JPH1: variants seen among roughly 807,000 people sequenced by gnomAD.
JPH1 encodes the protein junctophilin 1, also known as junctophilin-1.
Under a neutral mutation model 53.6 loss-of-function variants are expected in JPH1, and 12 were observed. That is an observed-to-expected ratio of 0.22 (90% CI 0.14 to 0.36). The LOEUF (loss-of-function observed/expected upper bound fraction) is 0.36. Among genes scored for constraint, JPH1 ranks in the 10% least tolerant of loss-of-function variants. The pLI, the probability that JPH1 is intolerant of heterozygous loss-of-function variation, is 1.00. For synonymous variants in JPH1, 375 were observed against 363.8 expected, an observed-to-expected ratio of 1.03 and a Z score of -0.35; for missense variants, 808 against 905.5, an observed-to-expected ratio of 0.89 and a Z score of 1.38.
intron 2 of JPH1, among the ~76,000 whole-genome samples, chr8:74,305,315 G>C (rs1423950208): frequency 6.6e-6 from 1 of 152,230 alleles, no homozygotes; most frequent in Admixed American, 6.5e-5. Context: ...ACCAGCTATG[G>C]CAGCATGCAG....
intron 2 of JPH1, among the ~76,000 whole-genome samples, chr8:74,310,625 T>C (rs1807965916): frequency 6.6e-6 from 1 of 152,178 alleles, no homozygotes; most frequent in Non-Finnish European, 1.5e-5. Context: ...TGTATGTGTT[T>C]ACTGGGGAGC....
rs752821171 is a variant in JPH1, at chr8:74,245,185, AAAAAAAG to A, written c.1259-17_1259-11del. On this transcript the variant is annotated splice_polypyrimidine_tract_variant and intron_variant, in intron 3 of 5. Transcript: ENST00000342232. Reference sequence around the variant, plus strand: ...TTGACGTAATCAGGGCCTGGCCAAAAAAAAAAGAAAAAAGAAAAAAAGAAAGGAGGTA... The same window carrying A: ...TTGACGTAATCAGGGCCTGGCCAAAAAAAAAAGAAAAAAAGAAAGGAGGTA... 6.4e-7 allele frequency: 1 copy of A among 1,551,546 alleles called. No individual in the cohort carries two copies. The highest frequency in any genetic ancestry group is 1.3e-5 in the South Asian group (1 of 78,882).
chr8:74,314,805 T>G (rs1187287614), intron 2 of JPH1, 56 bp downstream of exon 2: 11 of 1,574,470 alleles, frequency 7.0e-6, no homozygotes, highest in Non-Finnish European at 8.6e-6. Flanking sequence ...ACATAATATT[T>G]GATACTCCAT....
rs750665220 is a variant in JPH1 at position 74,235,633 on chromosome 8, A to G, written c.*1418T>C. On this transcript the variant is annotated 3_prime_UTR_variant, in exon 6 of 6. Coordinates refer to ENST00000342232, the MANE Select transcript of JPH1 (RefSeq NM_020647.4). The stretch of plus-strand genomic sequence containing the variant: ...TCTTTCTTCCCCTGATTTCTTTTTA[A>G]GTAATTACTTTTATAAAGACCATTT... 6.5e-6 allele frequency: 1 copy of G among 152,674 alleles called. No homozygotes were observed. Among genetic ancestry groups the G allele is most frequent in the Non-Finnish European group, 1.5e-5 (1 of 68,042 alleles). 9.5% of individuals were successfully genotyped at this position (152,674 alleles called of 1,614,324 possible).
In JPH1 at chr8:74,262,055, T is replaced by C. The variant is rs181199779; in HGVS notation, c.1140-2552A>G. On this transcript the variant is annotated intron_variant, in intron 2 of 5. Transcript: ENST00000342232. ...TTACTTTTTTACTTGCTGTTTCCTATAAGACCACACAGCAAAGGAGGACCT... is the reference window on the plus strand; with the variant it reads ...TTACTTTTTTACTTGCTGTTTCCTACAAGACCACACAGCAAAGGAGGACCT... 2.4e-3 allele frequency among the ~76,000 whole-genome samples: 368 copies of C among 152,324 alleles called. 3 individuals carry two copies. The highest frequency in any genetic ancestry group is 5.8e-3 in the Admixed American group (89 of 15,304).
At chr8:74,288,521 G>A (rs1362381621) in intron 2 of JPH1, among the ~76,000 whole-genome samples, 1 of 152,206 alleles carries the variant, frequency 6.6e-6, no homozygotes, top group African/African-American at 2.4e-5. Flanking sequence ...AAGTGGGGAG[G>A]TGGGAAGAGT....
intron 2 of JPH1, among the ~76,000 whole-genome samples, chr8:74,306,594 T>G (rs535488868): frequency 9.7e-4 from 144 of 147,906 alleles, no homozygotes; most frequent in African/African-American, 3.5e-3. Flanking sequence ...ATGATGGTGA[T>G]CTACACTAAC....
rs576637713 is a variant in JPH1, at chr8:74,265,070, T to G, written c.1140-5567A>C. Among the ~76,000 whole-genome samples, 30 of 152,346 alleles carry G rather than the reference T, an allele frequency of 2.0e-4. 1 individual carries two copies. Among genetic ancestry groups the G allele is most frequent in the African/African-American group, 7.2e-4 (30 of 41,586 alleles). On this transcript the variant is annotated intron_variant, in intron 2 of 5. Coordinates refer to ENST00000342232, the MANE Select transcript of JPH1 (RefSeq NM_020647.4). The stretch of plus-strand genomic sequence containing the variant: ...ATTTTTATACCCCCAAAATCAGGAA[T>G]TCTATCATGTATGTAACTCATTATA...
At chr8:74,239,033 G>A (rs1805619981) in intron 4 of JPH1, among the ~76,000 whole-genome samples, 1 of 152,160 alleles carries the variant, frequency 6.6e-6, no homozygotes, top group African/African-American at 2.4e-5. Flanking sequence ...GAGTAAAATG[G>A]GGGAGGGAGA....
At chr8:74,257,968 C>T (rs1806286034) in intron 3 of JPH1, among the ~76,000 whole-genome samples, 1 of 151,918 alleles carries the variant, frequency 6.6e-6, no homozygotes, top group Non-Finnish European at 1.5e-5. Flanking sequence ...TTGCAGGAAC[C>T]TCCTGCCCCC....
intron 2 of JPH1, among the ~76,000 whole-genome samples, chr8:74,295,041 A>G (rs1807465659): frequency 6.6e-6 from 1 of 152,238 alleles, no homozygotes; most frequent in South Asian, 2.1e-4. Context: ...GACCTACATA[A>G]GTTTGAATGA....
At chr8:74,278,306 T>C (rs530548838) in intron 2 of JPH1, among the ~76,000 whole-genome samples, 60 of 152,318 alleles carry the variant, frequency 3.9e-4, no homozygotes, top group Non-Finnish European at 5.4e-4. Flanking sequence ...CCTTCCACCA[T>C]GATTGTGAGG....
At chr8:74,287,666 T>C (rs114429725) in intron 2 of JPH1, among the ~76,000 whole-genome samples, 134 of 151,452 alleles carry the variant, frequency 8.8e-4, no homozygotes, top group African/African-American at 3.0e-3. Flanking sequence ...ATTAGTCTAG[T>C]TTCTTTTTTT....
At chr8:74,278,051 TATGTG>T (rs1395024521) in intron 2 of JPH1, among the ~76,000 whole-genome samples, 1 of 152,134 alleles carries the variant, frequency 6.6e-6, no homozygotes, top group Non-Finnish European at 1.5e-5. Flanking sequence ...AGAGGCAATA[TATGTG>T]ATATTTATTG....
At chr8:74,298,118 G>A (rs765431347) in intron 2 of JPH1, among the ~76,000 whole-genome samples, 18 of 152,064 alleles carry the variant, frequency 1.2e-4, no homozygotes, top group African/African-American at 1.2e-4. Context: ...CATATCCTCG[G>A]GAAGCTGCTA....
chr8:74,250,925 A>G (rs1386917768), intron 3 of JPH1, among the ~76,000 whole-genome samples: 1 of 152,204 alleles, frequency 6.6e-6, no homozygotes, highest in Non-Finnish European at 1.5e-5. Flanking sequence ...TGCTGATACT[A>G]CCAGTACATG....
intron 2 of JPH1, among the ~76,000 whole-genome samples, chr8:74,283,579 G>C (rs890828466): frequency 1.3e-5 from 2 of 152,184 alleles, no homozygotes; most frequent in African/African-American, 4.8e-5. Context: ...GGCAGAGGAT[G>C]AATACAAGTT....
chr8:74,313,659 CA>C (rs762959000), intron 2 of JPH1, among the ~76,000 whole-genome samples: 2 of 149,724 alleles, frequency 1.3e-5, no homozygotes, highest in African/African-American at 4.9e-5. Flanking sequence ...ATGGCTCCAT[CA>C]AAAAAAAGGG....
chr8:74,321,259 T>C lies in JPH1; in HGVS notation c.29A>G (p.Asp10Gly). 6.3e-7 allele frequency: 1 copy of C among 1,597,372 alleles called. No homozygotes were observed. Among genetic ancestry groups the C allele is most frequent in the South Asian group, 1.1e-5 (1 of 88,936 alleles). ...CCAGCCGCCGCAGTAGGTGCCGCCA[T>C]CGTCGAAGTCGAACCTTCCGCCCGT... MTGGRFDFD[D>G]GGTYCGGWEE... The change falls in exon 1 of 6, where the codon GAT becomes GGT. Residue 10 changes from aspartate to glycine, a missense_variant. This residue lies in a region of JPH1 where 52 missense variants were observed against 93.6 expected (regional missense o/e 0.56). Coordinates refer to ENST00000342232, the MANE Select transcript of JPH1 (RefSeq NM_020647.4). The surrounding 1 kb of genome is among the most constrained non-coding windows in gnomAD (Gnocchi z 4.3).
Sources: gnomAD v4.1 joint callset for allele counts (sites outside exome capture counted in the v4.1 genomes callset) on GRCh38, gnomAD v4.1.1 for gene constraint, gnomAD v4.1.1 regional missense constraint, Gnocchi (gnomAD v3.1) non-coding constraint, MANE v1.5 for transcripts, NCBI Gene and HGNC (gene_info 2026-07-23, HGNC 2026-07-21) for gene names.